The following SPIDR variants were observed in gnomAD, a reference collection of about 807,000 sequenced individuals.
SPIDR encodes DNA repair-scaffolding protein.
A neutral mutation model predicts 104.6 loss-of-function variants in SPIDR; 93 were observed. That is an observed-to-expected ratio of 0.89 (90% CI 0.75 to 1.06). SPIDR has a LOEUF of 1.06. Among genes scored for constraint, SPIDR ranks in the 50% least tolerant of loss-of-function variants. The pLI is 0.00. For missense variants in SPIDR, 1,154 were observed against 1,111.2 expected, an observed-to-expected ratio of 1.04 and a Z score of -0.55; for synonymous variants, 431 against 416.9, an observed-to-expected ratio of 1.03 and a Z score of -0.41.
chr8:47,660,447 C>G, intron 10 of SPIDR: 1 of 985,416 alleles, frequency 1.0e-6, no homozygotes, highest in Non-Finnish European at 1.2e-6. Flanking sequence ...TGGTCCAGGC[C>G]TCACCCTCAT....
At chr8:47,394,976 A>T (rs1220633295) in intron 5 of SPIDR, among the ~76,000 whole-genome samples, 1 of 152,142 alleles carries the variant, frequency 6.6e-6, no homozygotes, top group Non-Finnish European at 1.5e-5. Context: ...TCTTATTTTC[A>T]GTGTGCCTGA....
At chr8:47,386,315 T>C (rs1201490344) in intron 5 of SPIDR, among the ~76,000 whole-genome samples, 1 of 152,226 alleles carries the variant, frequency 6.6e-6, no homozygotes, top group Admixed American at 6.5e-5. Flanking sequence ...TTTAGAATTT[T>C]CCTTGCTTGA....
chr8:47,653,448 G>A (rs558509790), intron 10 of SPIDR, among the ~76,000 whole-genome samples: 3 of 152,262 alleles, frequency 2.0e-5, no homozygotes, highest in Admixed American at 6.5e-5. Context: ...CTGAGCTGAT[G>A]GCACATTTTG....
At chr8:47,659,332 C>T (rs910273103) in intron 10 of SPIDR, among the ~76,000 whole-genome samples, 5 of 152,148 alleles carry the variant, frequency 3.3e-5, no homozygotes, top group Admixed American at 2.6e-4. Context: ...GATTGTTATT[C>T]CTTTCGGTTC....
intron 8 of SPIDR, chr8:47,511,931 C>T: frequency 1.3e-6 from 1 of 794,330 alleles, no homozygotes; most frequent in South Asian, 1.4e-5. Context: ...AAGGATGTCA[C>T]TCTATTATCA....
chr8:47,715,340 C>G (rs2082422809), intron 16 of SPIDR, among the ~76,000 whole-genome samples: 1 of 152,024 alleles, frequency 6.6e-6, no homozygotes, highest in Non-Finnish European at 1.5e-5. Context: ...CCATGCCCGG[C>G]TAATTTTTTT....
intron 8 of SPIDR, among the ~76,000 whole-genome samples, chr8:47,445,221 C>T (rs1013678462): frequency 6.6e-6 from 1 of 152,232 alleles, no homozygotes; most frequent in South Asian, 2.1e-4. Context: ...ATTTTTCTAA[C>T]AGCATGTGCT....
intron 5 of SPIDR, among the ~76,000 whole-genome samples, chr8:47,369,017 G>A (rs1050692900): frequency 1.3e-5 from 2 of 152,178 alleles, no homozygotes; most frequent in African/African-American, 4.8e-5. Context: ...TCATAGGCAC[G>A]TGAGAACGAA....
chr8:47,317,052 A>G (rs1218464202), intron 5 of SPIDR, among the ~76,000 whole-genome samples: 2 of 152,142 alleles, frequency 1.3e-5, no homozygotes, highest in South Asian at 2.1e-4. Flanking sequence ...TGATTTCTGC[A>G]TTTCCAACTA....
chr8:47,316,552 A>G (rs587648566), intron 5 of SPIDR, among the ~76,000 whole-genome samples: 1 of 152,348 alleles, frequency 6.6e-6, no homozygotes, highest in South Asian at 2.1e-4. Flanking sequence ...TGGTACATCA[A>G]CAACATAATG....
At chr8:47,313,091 T>C (rs1210259988) in intron 5 of SPIDR, among the ~76,000 whole-genome samples, 1 of 152,112 alleles carries the variant, frequency 6.6e-6, no homozygotes, top group African/African-American at 2.4e-5. Flanking sequence ...AAATAAAGGG[T>C]ATTCAATTAG....
intron 11 of SPIDR, among the ~76,000 whole-genome samples, chr8:47,693,507 T>C (rs2078950547): frequency 6.6e-6 from 1 of 152,210 alleles, no homozygotes; most frequent in Non-Finnish European, 1.5e-5. Flanking sequence ...TGAAGAGTCC[T>C]GCCGGCCCTG....
rs148540681 is a variant in SPIDR, at chr8:47,610,228, T to A, written c.1544+11032T>A. Among the ~76,000 whole-genome samples, 121 of 152,230 alleles carry A rather than the reference T, an allele frequency of 7.9e-4. 1 individual carries two copies. The highest frequency in any genetic ancestry group is 2.8e-3 in the African/African-American group (115 of 41,550). On this transcript the variant is annotated intron_variant, in intron 10 of 19. Transcript: ENST00000297423. Reference sequence around the variant, plus strand: ...CTCTTCCCACCGTACCCCCACCCCATTCCTGCAGCTGCAATCTGGAGCAGC... The same window carrying A: ...CTCTTCCCACCGTACCCCCACCCCAATCCTGCAGCTGCAATCTGGAGCAGC...
chr8:47,506,619 T>C (rs926471490), intron 8 of SPIDR, among the ~76,000 whole-genome samples: 1 of 151,436 alleles, frequency 6.6e-6, no homozygotes, highest in African/African-American at 2.4e-5. Context: ...GAGGAAGAAG[T>C]ATGCATAATT....
In SPIDR at chr8:47,712,850, C is replaced by T; in HGVS notation, c.2166C>T (p.Phe722=). 1 of 1,614,068 alleles carries T rather than the reference C, an allele frequency of 6.2e-7. No homozygotes were observed. Among genetic ancestry groups the T allele is most frequent in the Middle Eastern group, 1.7e-4 (1 of 5,988 alleles). ...LAGAAPHSLF[F]KDALRDQGRI... ...GGGCTGCCCCTCACAGCCTCTTCTTCAAGGACGCTCTCCGTGACCAGGGTG... is the reference window on the plus strand; with the variant it reads ...GGGCTGCCCCTCACAGCCTCTTCTTTAAGGACGCTCTCCGTGACCAGGGTG... Residue 722 remains phenylalanine, a synonymous_variant, in exon 15 of 20, where the codon TTC becomes TTT. Coordinates refer to ENST00000297423, the MANE Select transcript of SPIDR (RefSeq NM_001080394.4).
At chr8:47,451,098 A>G (rs1182505417) in intron 8 of SPIDR, among the ~76,000 whole-genome samples, 4 of 152,250 alleles carry the variant, frequency 2.6e-5, no homozygotes, top group Non-Finnish European at 5.9e-5. Flanking sequence ...TATTGGAATT[A>G]TTAGTCAAAA....
intron 10 of SPIDR, among the ~76,000 whole-genome samples, chr8:47,607,300 C>G (rs2154429433): frequency 6.6e-6 from 1 of 152,206 alleles, no homozygotes; most frequent in East Asian, 1.9e-4. Context: ...TAAATCATCC[C>G]TTAATTAATT....
chr8:47,390,085 A>G (rs1554650748), intron 5 of SPIDR, among the ~76,000 whole-genome samples: 1 of 152,134 alleles, frequency 6.6e-6, no homozygotes, highest in East Asian at 1.9e-4. Flanking sequence ...AAAACATTTC[A>G]CACCCATCAG....
chr8:47,306,011 A>G (rs1333819190), intron 5 of SPIDR, among the ~76,000 whole-genome samples: 1 of 152,184 alleles, frequency 6.6e-6, no homozygotes, highest in East Asian at 1.9e-4. Flanking sequence ...GGCAACCACC[A>G]TTCTACTTTG....
Sources: allele counts gnomAD v4.1 joint callset (sites outside exome capture counted in the v4.1 genomes callset), GRCh38; gene constraint gnomAD v4.1.1; transcripts MANE v1.5; gene names NCBI Gene and HGNC (gene_info 2026-07-23, HGNC 2026-07-21).